Variants in TMEM51 observed in about 807,000 individuals in gnomAD.
The protein encoded by TMEM51 is transmembrane protein 51.
Under a neutral mutation model 13.6 loss-of-function variants are expected in TMEM51, and 8 were observed. The observed-to-expected ratio is 0.59, with a 90% CI of 0.35 to 1.07. The LOEUF is 1.07. TMEM51 is among the 50% of genes least tolerant of loss of function. TMEM51 has a pLI of 0.02. For synonymous variants in TMEM51, 147 were observed against 144.4 expected (o/e 1.02, Z -0.13); for missense variants, 279 against 330.7 (o/e 0.84, Z 1.21).
chr1:15,203,720 G>A (rs1272175202), intron 1 of TMEM51, among the ~76,000 whole-genome samples: 5 of 152,166 alleles, frequency 3.3e-5, no homozygotes, highest in Non-Finnish European at 5.9e-5. Flanking sequence ...TTGGTCCATA[G>A]TAGGTGCTCA....
chr1:15,182,122 T>G (rs779956201), intron 1 of TMEM51, among the ~76,000 whole-genome samples: 14 of 151,572 alleles, frequency 9.2e-5, no homozygotes, highest in Non-Finnish European at 1.9e-4. Context: ...GATTGCGCCA[T>G]TGCACTCCAA....
chr1:15,217,295 C>T (rs1644446853), intron 3 of TMEM51, among the ~76,000 whole-genome samples: 1 of 152,146 alleles, frequency 6.6e-6, no homozygotes, highest in Admixed American at 6.5e-5. Flanking sequence ...CATCCCTTTC[C>T]TAGAATGTTC....
intron 1 of TMEM51, 124 bp downstream of exon 1, chr1:15,154,078 C>A (rs929596163): frequency 6.6e-6 from 1 of 152,158 alleles, no homozygotes; most frequent in African/African-American, 2.4e-5. Context: ...GTCCGCCGAG[C>A]GCTTCCCGCC....
intron 1 of TMEM51, among the ~76,000 whole-genome samples, chr1:15,177,533 G>A (rs1286807083): frequency 6.6e-6 from 1 of 152,178 alleles, no homozygotes; most frequent in East Asian, 1.9e-4. Context: ...AGCTCATCCC[G>A]AGCAAGCAGC....
chr1:15,208,405 T>C (rs1490609980), intron 1 of TMEM51, among the ~76,000 whole-genome samples: 3 of 152,010 alleles, frequency 2.0e-5, no homozygotes, highest in Non-Finnish European at 2.9e-5. Context: ...GGAGGATCGC[T>C]TGAGGCCAGG....
intron 1 of TMEM51, among the ~76,000 whole-genome samples, chr1:15,169,548 C>A (rs1023191884): frequency 3.3e-5 from 5 of 152,174 alleles, no homozygotes; most frequent in Non-Finnish European, 7.3e-5. Context: ...AAAAGCTGAT[C>A]GCCCTTCCAC....
intron 1 of TMEM51, among the ~76,000 whole-genome samples, chr1:15,160,789 T>G (rs1642754343): frequency 1.3e-5 from 2 of 151,914 alleles, no homozygotes; most frequent in Admixed American, 6.6e-5. Context: ...CGCCATCACT[T>G]TAAACAAATC....
At chr1:15,197,185 G>A (rs1031725073) in intron 1 of TMEM51, among the ~76,000 whole-genome samples, 26 of 152,318 alleles carry the variant, frequency 1.7e-4, no homozygotes, top group African/African-American at 5.5e-4. Context: ...TGTGGGTTAC[G>A]TGTCCGTCTT....
At chr1:15,195,807 ATC>A (rs1318445657) in intron 1 of TMEM51, among the ~76,000 whole-genome samples, 10 of 152,316 alleles carry the variant, frequency 6.6e-5, no homozygotes, top group African/African-American at 2.4e-4. Flanking sequence ...CCTAACGAGC[ATC>A]TCCTGCCCAA....
chr1:15,186,323 G>C (rs1447094779), intron 1 of TMEM51, among the ~76,000 whole-genome samples: 6 of 152,214 alleles, frequency 3.9e-5, no homozygotes, highest in Admixed American at 3.9e-4. Context: ...TGAATTGGAT[G>C]GACAGGAAAG....
chr1:15,176,587 G>A (rs924612546), intron 1 of TMEM51, among the ~76,000 whole-genome samples: 8 of 152,186 alleles, frequency 5.3e-5, no homozygotes, highest in East Asian at 1.9e-4. Flanking sequence ...ACCCAGGACC[G>A]TTTCCCTCCT....
chr1:15,215,536 CT>C, intron 3 of TMEM51, 105 bp downstream of exon 3: 2 of 1,088,778 alleles, frequency 1.8e-6, no homozygotes, highest in South Asian at 3.4e-5. Flanking sequence ...CATCTACAGG[CT>C]TTATTGTCCC....
chr1:15,176,959 A>G (rs1200285198), intron 1 of TMEM51, among the ~76,000 whole-genome samples: 3 of 152,204 alleles, frequency 2.0e-5, no homozygotes, highest in Non-Finnish European at 4.4e-5. Flanking sequence ...GAAGCAACGT[A>G]TTTGGGAGCC....
intron 1 of TMEM51, among the ~76,000 whole-genome samples, chr1:15,156,786 CA>C: frequency 6.6e-6 from 1 of 152,334 alleles, no homozygotes; most frequent in East Asian, 1.9e-4. Context: ...CACAACAGTT[CA>C]GCAGCAGAAC....
chr1:15,184,276 C>T (rs1475529747), intron 1 of TMEM51, among the ~76,000 whole-genome samples: 1 of 152,200 alleles, frequency 6.6e-6, no homozygotes, highest in South Asian at 2.1e-4. Flanking sequence ...CCGCCCACCT[C>T]GGCCTCCCAA....
At chr1:15,186,336 G>C (rs931386398) in intron 1 of TMEM51, among the ~76,000 whole-genome samples, 3 of 152,332 alleles carry the variant, frequency 2.0e-5, no homozygotes, top group East Asian at 3.9e-4. Flanking sequence ...CAGGAAAGAC[G>C]GGGAAGGAAG....
At chr1:15,186,208 C>A (rs1643769254) in intron 1 of TMEM51, among the ~76,000 whole-genome samples, 1 of 152,176 alleles carries the variant, frequency 6.6e-6, no homozygotes, top group Non-Finnish European at 1.5e-5. Flanking sequence ...GGAGTCTGGT[C>A]TTTGATTCTT....
intron 1 of TMEM51, among the ~76,000 whole-genome samples, chr1:15,188,290 TCA>T (rs1491218026): frequency 1.3e-5 from 2 of 152,144 alleles, no homozygotes; most frequent in Non-Finnish European, 2.9e-5. Context: ...CAGGGAAGTC[TCA>T]GTGTTTCCCC....
intron 1 of TMEM51, among the ~76,000 whole-genome samples, chr1:15,169,278 G>C (rs1643148379): frequency 6.6e-6 from 1 of 152,182 alleles, no homozygotes; most frequent in African/African-American, 2.4e-5. Flanking sequence ...TGTAACTTCA[G>C]AACTGGGAAG....
Sources: allele counts gnomAD v4.1 joint callset (sites outside exome capture counted in the v4.1 genomes callset), GRCh38; gene constraint gnomAD v4.1.1; transcripts MANE v1.5; gene names NCBI Gene and HGNC (gene_info 2026-07-23, HGNC 2026-07-21).